PYY: variants seen among roughly 807,000 people sequenced by gnomAD.
PYY encodes peptide YY.
In PYY, 12 loss-of-function variants were observed where a neutral mutation model predicts 10.3. That is an observed-to-expected ratio of 1.17 (90% CI 0.75 to 1.89). The LOEUF (loss-of-function observed/expected upper bound fraction) is 1.89. PYY is among the 40% of genes most tolerant of loss of function. The probability of loss-of-function intolerance (pLI) is 0.00; values close to 1 mark genes in which losing one functional copy is unlikely to be tolerated. For synonymous variants in PYY, 66 were observed against 62.0 expected, an observed-to-expected ratio of 1.06 and a Z score of -0.30; for missense variants, 141 against 134.0, an observed-to-expected ratio of 1.05 and a Z score of -0.26.
chr17:43,964,139 G>C (rs1455539796), intron 2 of PYY, among the ~76,000 whole-genome samples: 4 of 152,208 alleles, frequency 2.6e-5, no homozygotes, highest in Non-Finnish European at 5.9e-5. Flanking sequence ...CTGAGCAGCT[G>C]GGACTACAGG....
At chr17:43,958,440 C>T (rs1241719097), upstream of PYY, among the ~76,000 whole-genome samples, 1 of 151,432 alleles carries the variant, frequency 6.6e-6, no homozygotes, top group Non-Finnish European at 1.5e-5. Context: ...TGGAGTGCAG[C>T]AGCATGATCT....
At chr17:44,002,221 G>A (rs896528846) in intron 1 of PYY, among the ~76,000 whole-genome samples, 2 of 152,166 alleles carry the variant, frequency 1.3e-5, no homozygotes, top group African/African-American at 4.8e-5. Context: ...TCCGAGGGGT[G>A]GGGGACTGCG....
chr17:43,988,769 C>CTT (rs11336147), intron 1 of PYY, among the ~76,000 whole-genome samples: 27 of 137,274 alleles, frequency 2.0e-4, no homozygotes, highest in East Asian at 1.5e-3. Flanking sequence ...TTCTTTCTGT[C>CTT]TTTTTTTTTT....
chr17:43,978,223 GAGAA>G (rs1278853894), intron 1 of PYY, among the ~76,000 whole-genome samples: 1 of 148,682 alleles, frequency 6.7e-6, no homozygotes, highest in African/African-American at 2.5e-5. Context: ...AAGAAAGAGA[GAGAA>G]AGAAAGAAGA....
At chr17:43,964,397 C>G (rs897436052) in intron 2 of PYY, among the ~76,000 whole-genome samples, 2 of 152,110 alleles carry the variant, frequency 1.3e-5, no homozygotes, top group African/African-American at 2.4e-5. Flanking sequence ...TTCAGACAAC[C>G]AAAATGACTA....
chr17:43,997,889 A>G (rs1439203711), intron 1 of PYY, among the ~76,000 whole-genome samples: 1 of 151,954 alleles, frequency 6.6e-6, no homozygotes, highest in Non-Finnish European at 1.5e-5. Flanking sequence ...ATACTGACTA[A>G]TTGGACATAG....
chr17:43,986,175 C>T (rs2048914788), intron 1 of PYY, among the ~76,000 whole-genome samples: 1 of 152,158 alleles, frequency 6.6e-6, no homozygotes, highest in Admixed American at 6.5e-5. Flanking sequence ...AGGAGAATTG[C>T]TTAAACCCGG....
intron 2 of PYY, among the ~76,000 whole-genome samples, chr17:43,965,480 C>CAA (rs111474346): frequency 5.6e-5 from 5 of 89,510 alleles, no homozygotes; most frequent in African/African-American, 1.2e-4. Context: ...GACTCCGTAT[C>CAA]AAAAAAAAAA....
At chr17:43,985,943 G>C (rs185270048) in intron 1 of PYY, among the ~76,000 whole-genome samples, 1 of 152,180 alleles carries the variant, frequency 6.6e-6, no homozygotes, top group Non-Finnish European at 1.5e-5. Context: ...AGGAAGAAAA[G>C]TCTGTAGAGG....
chr17:43,995,328 T>G (rs544092689), intron 1 of PYY, among the ~76,000 whole-genome samples: 12 of 152,142 alleles, frequency 7.9e-5, no homozygotes, highest in Non-Finnish European at 1.5e-4. Flanking sequence ...TAACCGTTTT[T>G]GTTTGGTTTG....
rs540508933 is a variant in PYY at position 43,976,981 on chromosome 17, C to T, written c.-462-10449G>A. ...TTCTTCTTGCTCATGTCTCTGCCAC[C>T]GGCCTCTACCCACATTTCTCCACAA... On this transcript the variant is annotated intron_variant, in intron 1 of 6. Coordinates refer to the PYY transcript ENST00000360085. 1.1e-4 allele frequency among the ~76,000 whole-genome samples: 17 copies of T among 152,198 alleles called. No homozygotes were observed. In the East Asian group the frequency reaches 1.2e-3, roughly 10 times the overall value.
At chr17:44,002,738 G>C (rs1180916850) in intron 1 of PYY, among the ~76,000 whole-genome samples, 1 of 152,178 alleles carries the variant, frequency 6.6e-6, no homozygotes, top group Non-Finnish European at 1.5e-5. Flanking sequence ...ACATATTTCT[G>C]TACCTCCATT....
At chr17:43,986,758 G>A (rs1371500593) in intron 1 of PYY, among the ~76,000 whole-genome samples, 1 of 152,194 alleles carries the variant, frequency 6.6e-6, no homozygotes, top group Non-Finnish European at 1.5e-5. Flanking sequence ...CGTCAGCGCA[G>A]CCTGCGTGTT....
At chr17:43,972,398 A>G (rs1487803292) in intron 1 of PYY, among the ~76,000 whole-genome samples, 1 of 151,886 alleles carries the variant, frequency 6.6e-6, no homozygotes, top group Non-Finnish European at 1.5e-5. Flanking sequence ...TTTTTTTAGT[A>G]GAGATGGGAT....
In PYY at chr17:43,953,492, G is replaced by T. The variant is rs781603957; in HGVS notation, c.1-9C>A. The T allele has an allele frequency of 2.5e-6, 4 of 1,581,650 alleles. No homozygotes were observed. The East Asian group carries it at 9.0e-5, about 36-fold the overall frequency. ...CTGCGCACGAACACCATCTGGGAAG[G>T]CGACATTGGGACGTGGGTCATTCCA... On this transcript the variant is annotated splice_polypyrimidine_tract_variant and intron_variant, in intron 1 of 3. Coordinates refer to ENST00000692052, the MANE Select transcript of PYY (RefSeq NM_001394028.1).
At chr17:43,958,091 G>A (rs953124641), upstream of PYY, 1 of 122,084 alleles carries the variant, frequency 8.2e-6, no homozygotes, top group Non-Finnish European at 1.6e-5. Flanking sequence ...TGTTGACACC[G>A]TTAGGTTCAT....
chr17:44,000,380 CT>C (rs1000802207), intron 1 of PYY, among the ~76,000 whole-genome samples: 44 of 152,062 alleles, frequency 2.9e-4, no homozygotes, highest in African/African-American at 9.4e-4. Flanking sequence ...ATCTGTGTGC[CT>C]TTGTAGATAA....
rs538571315 is a variant in PYY, at chr17:44,001,403, A to G, written c.-463+2988T>C. Among the ~76,000 whole-genome samples the G allele has an allele frequency of 2.0e-5, 3 of 152,284 alleles. No homozygotes were observed. In the East Asian group the frequency reaches 5.8e-4, roughly 29 times the overall value. ...ACAAAATAACACCCACCTTTAAAGG[A>G]AGAAAAATGTGAGCTGGACCCATAC... is the stretch of plus-strand genomic sequence containing the variant. On this transcript the variant is annotated intron_variant, in intron 1 of 6. Coordinates refer to the PYY transcript ENST00000360085.
rs1036689962 is a variant in PYY, at chr17:43,963,068, G to A, written c.-218+3220C>T. Among the ~76,000 whole-genome samples the A allele has an allele frequency of 2.0e-5, 3 of 152,144 alleles. 1 individual carries two copies. The highest frequency in any genetic ancestry group is 7.2e-5 in the African/African-American group (3 of 41,434). ...AAAGCCACCGTCATTTTCACATTAC[G>A]TGAAAACAATAAAAGGAAGAGATTT... On this transcript the variant is annotated intron_variant, in intron 2 of 6. Coordinates refer to the PYY transcript ENST00000360085.
Sources: allele counts gnomAD v4.1 joint callset (sites outside exome capture counted in the v4.1 genomes callset), GRCh38; gene constraint gnomAD v4.1.1; transcripts MANE v1.5; gene names NCBI Gene and HGNC (gene_info 2026-07-23, HGNC 2026-07-21).